Variants in CNTNAP2 observed in about 807,000 individuals in gnomAD.
The protein encoded by CNTNAP2 is contactin-associated protein-like 2.
Under a neutral mutation model 155.2 loss-of-function variants are expected in CNTNAP2, and 98 were observed. That is an observed-to-expected ratio of 0.63 (90% CI 0.54 to 0.75). CNTNAP2 has a LOEUF of 0.75. CNTNAP2 is among the 30% of genes least tolerant of loss of function. The pLI, the probability that CNTNAP2 is intolerant of heterozygous loss-of-function variation, is 0.00. For missense variants in CNTNAP2, 1,727 were observed against 1,688.1 expected, an observed-to-expected ratio of 1.02 and a Z score of -0.40; for synonymous variants, 651 against 631.2, an observed-to-expected ratio of 1.03 and a Z score of -0.47.
At chr7:148,323,081 A>T (rs917846462) in intron 21 of CNTNAP2, among the ~76,000 whole-genome samples, 2 of 152,016 alleles carry the variant, frequency 1.3e-5, no homozygotes, top group African/African-American at 4.8e-5. Flanking sequence ...CTGTTGTTAG[A>T]TGCTTTACCT....
chr7:146,588,618 G>A (rs766065715), intron 1 of CNTNAP2, among the ~76,000 whole-genome samples: 3 of 151,590 alleles, frequency 2.0e-5, no homozygotes, highest in Non-Finnish European at 4.4e-5. Flanking sequence ...GGTGATCTTC[G>A]TACCTTAGCC....
intron 19 of CNTNAP2, among the ~76,000 whole-genome samples, 186 bp from the exon 20 acceptor site, chr7:148,229,460 G>A (rs549181636): frequency 6.6e-6 from 1 of 152,242 alleles, no homozygotes; most frequent in Admixed American, 6.5e-5. Context: ...GGGAGGCAGA[G>A]GTTGCAGTGA....
At chr7:147,601,639 A>AG (rs1800946082) in intron 12 of CNTNAP2, among the ~76,000 whole-genome samples, 1 of 82,238 alleles carries the variant, frequency 1.2e-5, no homozygotes, top group South Asian at 4.2e-4. Context: ...TGACTCTTAA[A>AG]AAAAAATATA....
rs894481325 is a variant in CNTNAP2 at position 146,331,043 on chromosome 7, G to A, written c.97+214070G>A. On this transcript the variant is annotated intron_variant, in intron 1 of 23. Transcript: ENST00000361727. ...ATCATGGCCGGGCGCGGTGGCTCACGCCTGTAATCCCAGCACTTTGGGAGG... is the reference window on the plus strand; with the variant it reads ...ATCATGGCCGGGCGCGGTGGCTCACACCTGTAATCCCAGCACTTTGGGAGG... Among the ~76,000 whole-genome samples, 14 of 152,194 alleles carry A rather than the reference G, an allele frequency of 9.2e-5. No homozygotes were observed. In the South Asian group the frequency reaches 2.7e-3, roughly 29 times the overall value.
chr7:147,762,774 A>AGGAAGG (rs201762201), intron 13 of CNTNAP2, among the ~76,000 whole-genome samples: 2,404 of 147,506 alleles, frequency 0.016, 70 homozygotes, highest in African/African-American at 0.056. Flanking sequence ...AAAGGAAGGA[A>AGGAAGG]GGAAGGGGAA....
chr7:147,041,725 CAG>C lies in CNTNAP2; in HGVS notation c.403-2181_403-2180del, dbSNP rs1209557826. 3.3e-5 allele frequency among the ~76,000 whole-genome samples: 5 copies of C among 152,254 alleles called. No individual in the cohort carries two copies. In the South Asian group the frequency reaches 8.3e-4, roughly 25 times the overall value. The stretch of plus-strand genomic sequence containing the variant: ...CATAAGACTGCAGATGTCTTAGAGA[CAG>C]TGTTTCAGGAGAGATTTTTGTTGTT... On this transcript the variant is annotated intron_variant, in intron 3 of 23. Transcript: ENST00000361727.
intron 9 of CNTNAP2, among the ~76,000 whole-genome samples, chr7:147,344,768 A>G (rs958470474): frequency 5.3e-5 from 8 of 152,148 alleles, no homozygotes; most frequent in Non-Finnish European, 1.2e-4. Context: ...ATTACTGTTA[A>G]TATTTTTGAA....
At chr7:146,289,923 G>A (rs759789181) in intron 1 of CNTNAP2, among the ~76,000 whole-genome samples, 27 of 151,926 alleles carry the variant, frequency 1.8e-4, no homozygotes, top group Non-Finnish European at 1.5e-5. Context: ...GAGCTAATAC[G>A]ACCACTTTTC....
intron 13 of CNTNAP2, among the ~76,000 whole-genome samples, chr7:147,873,543 C>A (rs987539909): frequency 6.6e-6 from 1 of 152,154 alleles, no homozygotes; most frequent in Non-Finnish European, 1.5e-5. Flanking sequence ...AAAAACCCAC[C>A]CCCATGATTT....
At chr7:147,127,052 C>T (rs952114582) in intron 6 of CNTNAP2, among the ~76,000 whole-genome samples, 6 of 152,028 alleles carry the variant, frequency 3.9e-5, no homozygotes, top group South Asian at 4.1e-4. Flanking sequence ...TAAACATTGA[C>T]GGTATTATTA....
chr7:148,266,920 TAAGATATCAG>T (rs1226425591), intron 20 of CNTNAP2, 103 bp from the exon 21 acceptor site: 2 of 946,904 alleles, frequency 2.1e-6, no homozygotes, highest in Non-Finnish European at 3.5e-6. Flanking sequence ...GCTGATGAAA[TAAGATATCAG>T]AAAACCAGGG....
intron 9 of CNTNAP2, among the ~76,000 whole-genome samples, chr7:147,393,373 G>A (rs776526748): frequency 2.0e-5 from 3 of 151,488 alleles, no homozygotes; most frequent in East Asian, 1.9e-4. Flanking sequence ...TGTAGTAATC[G>A]GTATTTATGC....
intron 1 of CNTNAP2, among the ~76,000 whole-genome samples, chr7:146,560,289 T>G (rs559695304): frequency 3.3e-5 from 5 of 152,248 alleles, no homozygotes; most frequent in East Asian, 1.9e-4. Flanking sequence ...AATAAAATTA[T>G]ATAAATTACT....
At chr7:147,422,024 A>G (rs1487560634) in intron 10 of CNTNAP2, among the ~76,000 whole-genome samples, 2 of 151,214 alleles carry the variant, frequency 1.3e-5, no homozygotes, top group African/African-American at 4.9e-5. Context: ...TGAATAAATT[A>G]CCAAGTCTTA....
At chr7:146,244,262 G>T (rs1389060290) in intron 1 of CNTNAP2, among the ~76,000 whole-genome samples, 1 of 152,164 alleles carries the variant, frequency 6.6e-6, no homozygotes, top group Non-Finnish European at 1.5e-5. Flanking sequence ...ATAGCACCAG[G>T]AGGTATCAGC....
chr7:146,324,834 G>A (rs910018797), intron 1 of CNTNAP2, among the ~76,000 whole-genome samples: 2 of 151,726 alleles, frequency 1.3e-5, no homozygotes, highest in African/African-American at 2.4e-5. Flanking sequence ...AAACGAAAAC[G>A]AACTTGAAAA....
At chr7:146,331,436 G>A (rs888534383) in intron 1 of CNTNAP2, among the ~76,000 whole-genome samples, 3 of 152,106 alleles carry the variant, frequency 2.0e-5, no homozygotes, top group African/African-American at 7.2e-5. Context: ...ATCAGAGTAA[G>A]CAGAAGAGGA....
intron 18 of CNTNAP2, among the ~76,000 whole-genome samples, chr7:148,195,937 A>C (rs1278538987): frequency 1.3e-5 from 2 of 152,234 alleles, no homozygotes; most frequent in Non-Finnish European, 2.9e-5. Flanking sequence ...ATCCTTACAA[A>C]TGCATTCTAC....
At chr7:146,160,173 T>G (rs549661524) in intron 1 of CNTNAP2, among the ~76,000 whole-genome samples, 5 of 152,254 alleles carry the variant, frequency 3.3e-5, no homozygotes, top group African/African-American at 1.2e-4. Context: ...TACCAGAATC[T>G]CTGGGACACA....
Sources: gnomAD v4.1 joint callset for allele counts (sites outside exome capture counted in the v4.1 genomes callset) on GRCh38, gnomAD v4.1.1 for gene constraint, MANE v1.5 for transcripts, NCBI Gene and HGNC (gene_info 2026-07-23, HGNC 2026-07-21) for gene names.